The following FBXL17 variants were observed in gnomAD, a reference collection of about 807,000 sequenced individuals.
FBXL17 encodes F-box/LRR-repeat protein 17.
A neutral mutation model predicts 66.2 loss-of-function variants in FBXL17; 22 were observed. That is an observed-to-expected ratio of 0.33 (90% confidence interval 0.24 to 0.47). The LOEUF is 0.47. Ranked by LOEUF, FBXL17 falls within the 20% of genes least tolerant of loss-of-function variation. The pLI is 1.00. For synonymous variants in FBXL17, 474 were observed against 400.5 expected, an observed-to-expected ratio of 1.18 and a Z score of -2.19; for missense variants, 878 against 948.2, an observed-to-expected ratio of 0.93 and a Z score of 0.97.
intron 4 of FBXL17, 151 bp downstream of exon 4, chr5:108,348,248 T>C: frequency 1.7e-6 from 1 of 579,052 alleles, no homozygotes; most frequent in East Asian, 3.2e-5. Flanking sequence ...GATCAATTTA[T>C]AAAATCATCA....
At chr5:107,997,554 C>G (rs1753527868) in intron 7 of FBXL17, among the ~76,000 whole-genome samples, 1 of 152,162 alleles carries the variant, frequency 6.6e-6, no homozygotes, top group African/African-American at 2.4e-5. Context: ...AAAACAATTT[C>G]AAGAATTCAT....
intron 6 of FBXL17, among the ~76,000 whole-genome samples, chr5:108,030,231 ACCAGTCTATT>A (rs1363820101): frequency 6.6e-6 from 1 of 152,128 alleles, no homozygotes; most frequent in African/African-American, 2.4e-5. Flanking sequence ...TGGATTAGTC[ACCAGTCTATT>A]CCCTCTGAAG....
At chr5:108,080,494 T>A (rs1056021562) in intron 6 of FBXL17, among the ~76,000 whole-genome samples, 4 of 152,222 alleles carry the variant, frequency 2.6e-5, no homozygotes, top group African/African-American at 9.6e-5. Flanking sequence ...AGTCAAACTC[T>A]GTAAAATATT....
intron 6 of FBXL17, among the ~76,000 whole-genome samples, chr5:108,072,943 T>C (rs1561396629): frequency 6.6e-6 from 1 of 152,204 alleles, no homozygotes; most frequent in African/African-American, 2.4e-5. Context: ...TAAAAGTATA[T>C]GAGATCATGA....
chr5:108,188,383 T>A (rs562149558), intron 5 of FBXL17, among the ~76,000 whole-genome samples: 2 of 152,278 alleles, frequency 1.3e-5, no homozygotes, highest in African/African-American at 4.8e-5. Context: ...GTTGTAGGCA[T>A]TAGTAAAGGC....
chr5:108,186,019 G>A (rs2150032116), intron 6 of FBXL17, 98 bp downstream of exon 6: 3 of 905,434 alleles, frequency 3.3e-6, no homozygotes, highest in Middle Eastern at 4.7e-4. Context: ...AGGCACAGCT[G>A]TATTCAATTT....
At chr5:108,045,438 T>C (rs112632004) in intron 6 of FBXL17, among the ~76,000 whole-genome samples, 2 of 145,576 alleles carry the variant, frequency 1.4e-5, no homozygotes, top group African/African-American at 4.9e-5. Context: ...CAAGACTCTG[T>C]CTCAAAATAA....
At chr5:108,351,604 G>A (rs906704719) in intron 3 of FBXL17, among the ~76,000 whole-genome samples, 8 of 152,170 alleles carry the variant, frequency 5.3e-5, no homozygotes, top group African/African-American at 1.9e-4. Flanking sequence ...AAACTCCAGA[G>A]TCAGGTTAAC....
chr5:108,370,681 T>C (rs1748972596), intron 1 of FBXL17, among the ~76,000 whole-genome samples: 1 of 151,300 alleles, frequency 6.6e-6, no homozygotes, highest in Admixed American at 6.6e-5. Flanking sequence ...AGGCGAAGGT[T>C]GCAGTAAGCC....
chr5:108,236,278 A>G (rs1755597774), intron 4 of FBXL17, among the ~76,000 whole-genome samples: 1 of 152,014 alleles, frequency 6.6e-6, no homozygotes, highest in Admixed American at 6.6e-5. Flanking sequence ...TTGGAAGGCC[A>G]AGGCAGGAGG....
At chr5:108,086,942 T>C (rs1318163093) in intron 6 of FBXL17, among the ~76,000 whole-genome samples, 2 of 152,128 alleles carry the variant, frequency 1.3e-5, no homozygotes, top group Non-Finnish European at 2.9e-5. Context: ...GGTCTTTCCT[T>C]TCCTGGACTG....
rs1392363171 is a variant in FBXL17, at chr5:108,127,174, AATT to A, written c.1745+58940_1745+58942del. Reference sequence around the variant, plus strand: ...TAAAGCCAGTTTTGTCTAAGAAAGTAATTATAAATTTGGAAGACACCAACACTT... The same window carrying A: ...TAAAGCCAGTTTTGTCTAAGAAAGTAATAAATTTGGAAGACACCAACACTT... On this transcript the variant is annotated intron_variant, in intron 6 of 8. Coordinates refer to ENST00000542267, the MANE Select transcript of FBXL17 (RefSeq NM_001163315.3). Among the ~76,000 whole-genome samples the A allele has an allele frequency of 2.6e-5, 4 of 152,152 alleles. No homozygotes were observed. The East Asian group carries it at 7.8e-4, about 30-fold the overall frequency.
At chr5:108,078,040 C>T (rs917907067) in intron 6 of FBXL17, among the ~76,000 whole-genome samples, 10 of 152,048 alleles carry the variant, frequency 6.6e-5, no homozygotes, top group African/African-American at 2.2e-4. Flanking sequence ...ACCTCAGAGG[C>T]GCTAGAAAAA....
At chr5:107,938,468 A>T (rs1001988725) in intron 7 of FBXL17, among the ~76,000 whole-genome samples, 9 of 152,298 alleles carry the variant, frequency 5.9e-5, no homozygotes, top group Middle Eastern at 6.8e-3. Context: ...TCTTTTAGTG[A>T]CATCGGTCTT....
intron 7 of FBXL17, among the ~76,000 whole-genome samples, chr5:107,897,703 A>G (rs1175198598): frequency 6.6e-6 from 1 of 152,064 alleles, no homozygotes; most frequent in Non-Finnish European, 1.5e-5. Context: ...TTTTGAAAAG[A>G]ATTATCAATG....
rs1182950183 is a variant in FBXL17, at chr5:108,100,874, T to C, written c.1746-79873A>G. On this transcript the variant is annotated intron_variant, in intron 6 of 8. Transcript: ENST00000542267. The stretch of plus-strand genomic sequence containing the variant: ...TAAGAAGATCAATTCATTCCTGGAA[T>C]TGAGATGTACTGAGACAAATTTAGA... 3.3e-5 allele frequency among the ~76,000 whole-genome samples: 5 copies of C among 152,158 alleles called. No homozygotes were observed. In the East Asian group the frequency reaches 5.8e-4, roughly 18 times the overall value.
chr5:108,194,206 G>A (rs371262803), intron 5 of FBXL17, among the ~76,000 whole-genome samples: 1 of 152,100 alleles, frequency 6.6e-6, no homozygotes, highest in South Asian at 2.1e-4. Context: ...TTGAGAAGTT[G>A]TTCTCACTAC....
At chr5:108,170,356 T>C (rs573589609) in intron 6 of FBXL17, among the ~76,000 whole-genome samples, 10 of 152,272 alleles carry the variant, frequency 6.6e-5, no homozygotes, top group African/African-American at 2.2e-4. Context: ...TATGATAAGA[T>C]ATTATATACA....
chr5:108,259,437 C>G (rs1479066571), intron 4 of FBXL17, among the ~76,000 whole-genome samples: 1 of 152,130 alleles, frequency 6.6e-6, no homozygotes, highest in Non-Finnish European at 1.5e-5. Flanking sequence ...TGTAGTGAGG[C>G]AGACAGAGAG....
Sources: gnomAD v4.1 joint callset for allele counts (sites outside exome capture counted in the v4.1 genomes callset) on GRCh38, gnomAD v4.1.1 for gene constraint, MANE v1.5 for transcripts, NCBI Gene and HGNC (gene_info 2026-07-23, HGNC 2026-07-21) for gene names.